The following NF1 variants were observed in gnomAD, a reference collection of about 807,000 sequenced individuals.
The protein encoded by NF1 is neurofibromin.
Under a neutral mutation model 325.7 loss-of-function variants are expected in NF1, and 122 were observed. The observed-to-expected ratio is 0.37, with a 90% CI of 0.32 to 0.44. NF1 has a LOEUF of 0.44. Among genes scored for constraint, NF1 ranks in the 20% least tolerant of loss-of-function variants. The pLI, the probability that NF1 is intolerant of heterozygous loss-of-function variation, is 1.00. For missense variants in NF1, 2,140 were observed against 3,415.4 expected, an observed-to-expected ratio of 0.63 and a Z score of 9.31; for synonymous variants, 1,091 against 1,186.0, an observed-to-expected ratio of 0.92 and a Z score of 1.65.
intron 1 of NF1, among the ~76,000 whole-genome samples, chr17:31,152,430 C>T (rs1333018727): frequency 6.7e-6 from 1 of 149,060 alleles, no homozygotes; most frequent in African/African-American, 2.5e-5. Flanking sequence ...TTGGTGACTC[C>T]TGTTATATGT....
intron 1 of NF1, among the ~76,000 whole-genome samples, chr17:31,128,857 C>T (rs746234368): frequency 6.6e-6 from 1 of 151,254 alleles, no homozygotes; most frequent in Admixed American, 6.6e-5. Context: ...ACCCGGGAGG[C>T]GGAGCTTGCA....
At chr17:31,305,168 G>C (rs1391742279) in intron 36 of NF1, 1 of 1,614,036 alleles carries the variant, frequency 6.2e-7, no homozygotes, top group African/African-American at 1.3e-5. Flanking sequence ...GATGATTGTT[G>C]AGTAAAAGTA....
rs1064795966 is a variant in NF1, at chr17:31,338,008, G to A, written c.6705-17G>A. 6.3e-7 allele frequency: 1 copy of A among 1,595,962 alleles called. No homozygotes were observed. ...ACACAAAGGTTTTTATAAGTTCTGT[G>A]GATCTTTTAATTGCAGATTTGCATT... On this transcript the variant is annotated splice_polypyrimidine_tract_variant and intron_variant, in intron 44 of 57. Coordinates refer to ENST00000358273, the MANE Select transcript of NF1 (RefSeq NM_001042492.3).
intron 1 of NF1, among the ~76,000 whole-genome samples, chr17:31,105,297 G>A (rs1262736237): frequency 3.3e-5 from 5 of 152,104 alleles, no homozygotes; most frequent in Non-Finnish European, 7.3e-5. Flanking sequence ...ATGAAGAATT[G>A]GCATTATGTT....
chr17:31,343,401 C>G (rs888909979), intron 48 of NF1, among the ~76,000 whole-genome samples: 1 of 151,870 alleles, frequency 6.6e-6, no homozygotes, highest in Middle Eastern at 3.4e-3. Flanking sequence ...AAAAATTAGC[C>G]AGGCATGGTG....
chr17:31,218,136 A>G (rs1159771250), intron 13 of NF1, among the ~76,000 whole-genome samples: 1 of 152,182 alleles, frequency 6.6e-6, no homozygotes, highest in Non-Finnish European at 1.5e-5. Flanking sequence ...TGTACAGGAT[A>G]ATCATGCAAT....
chr17:31,309,062 C>T (rs1175256441), intron 36 of NF1, among the ~76,000 whole-genome samples: 1 of 152,088 alleles, frequency 6.6e-6, no homozygotes, highest in Non-Finnish European at 1.5e-5. Flanking sequence ...TAAAGGGATC[C>T]CTTATTTACA....
chr17:31,261,466 A>G (rs1334521787), intron 34 of NF1, among the ~76,000 whole-genome samples: 1 of 152,174 alleles, frequency 6.6e-6, no homozygotes, highest in Non-Finnish European at 1.5e-5. Context: ...TAGCACATTC[A>G]CGGGAAAAGT....
At chr17:31,371,617 A>G (rs1255616384) in intron 57 of NF1, among the ~76,000 whole-genome samples, 1 of 152,246 alleles carries the variant, frequency 6.6e-6, no homozygotes, top group Non-Finnish European at 1.5e-5. Context: ...GTTTCTAGTC[A>G]TCTTTCTATG....
At chr17:31,322,092 T>TACAC (rs1491535600) in intron 36 of NF1, among the ~76,000 whole-genome samples, 130 of 48,554 alleles carry the variant, frequency 2.7e-3, no homozygotes, top group South Asian at 0.012. Context: ...GTAGTGTGTG[T>TACAC]ATACACACAC....
chr17:31,103,388 G>A (rs527614606), intron 1 of NF1, among the ~76,000 whole-genome samples: 2 of 152,142 alleles, frequency 1.3e-5, no homozygotes, highest in Admixed American at 1.3e-4. Context: ...GATTACAGGC[G>A]TGTGCCACCA....
In NF1 at chr17:31,334,945, A is replaced by T. The variant is rs1597840159; in HGVS notation, c.5920A>T (p.Ile1974Phe). 6.2e-7 allele frequency: 1 copy of T among 1,613,792 alleles called. No individual in the cohort carries two copies. The highest frequency in any genetic ancestry group is 8.5e-7 in the Non-Finnish European group (1 of 1,179,946). ...DDAKRQRVTAILDKLITMTIN... is the reference protein window; with the variant it reads ...DDAKRQRVTAFLDKLITMTIN... ...TGCCAAACGACAAAGAGTTACTGCT[A>T]TTCTTGACAAGCTGATAACAATGAC... Residue 1974 changes from isoleucine (I) to phenylalanine (F), a missense_variant, in exon 40 of 58, where the codon ATT (isoleucine) becomes TTT (phenylalanine). Around this residue, in one of 10 missense-constraint regions of NF1, gnomAD observed 180 missense variants for 435.1 expected, o/e 0.41. Coordinates refer to ENST00000358273, the MANE Select transcript of NF1 (RefSeq NM_001042492.3).
Position 31,223,587 on chromosome 17 carries a change from T to G in NF1, c.1845+20T>G. On this transcript the variant is annotated intron_variant, in intron 16 of 57. Transcript: ENST00000358273. The stretch of plus-strand genomic sequence containing the variant: ...AATAAGGTAAGCAAAATGACATATT[T>G]AAAAAATGGAAGAATATTTGGAATG... 1 of 1,604,604 alleles carries G rather than the reference T, an allele frequency of 6.2e-7. No individual in the cohort carries two copies. The highest frequency in any genetic ancestry group is 8.5e-7 in the Non-Finnish European group (1 of 1,172,392).
chr17:31,257,814 G>T (rs1183176071), intron 31 of NF1: 1 of 151,772 alleles, frequency 6.6e-6, no homozygotes, highest in Non-Finnish European at 1.5e-5. Context: ...TTCTCAGTAA[G>T]AATCTAATAT....
Position 31,334,964 on chromosome 17 carries a change from C to T in NF1, c.5939C>T (p.Thr1980Ile), listed in dbSNP as rs1060500336. ...ACTGCTATTCTTGACAAGCTGATAACAATGACCATCAATGAAAAACAGATG... is the reference window on the plus strand; with the variant it reads ...ACTGCTATTCTTGACAAGCTGATAATAATGACCATCAATGAAAAACAGATG... ...RVTAILDKLI[T>I]MTINEKQMYP... is the part of the protein sequence containing the mutation. The change falls in exon 40 of 58, where the codon ACA (threonine) becomes ATA (isoleucine). Residue 1980 changes from threonine (T) to isoleucine (I), a missense_variant. Thr to Ile is a moderately conservative substitution (Grantham distance 89). This residue lies in a region of NF1 where 180 missense variants were observed against 435.1 expected (regional missense o/e 0.41). Coordinates refer to ENST00000358273, the MANE Select transcript of NF1 (RefSeq NM_001042492.3). The T allele has an allele frequency of 2.5e-6, 4 of 1,613,226 alleles. No homozygotes were observed. Among genetic ancestry groups the T allele is most frequent in the South Asian group, 1.1e-5 (1 of 91,052 alleles).
intron 1 of NF1, among the ~76,000 whole-genome samples, chr17:31,113,592 C>G (rs190699369): frequency 4.6e-5 from 7 of 152,230 alleles, no homozygotes; most frequent in African/African-American, 1.7e-4. Flanking sequence ...TGCAGTGGTG[C>G]AATCATGGCT....
At chr17:31,228,122 T>G (rs956249115) in intron 20 of NF1, among the ~76,000 whole-genome samples, 1 of 152,250 alleles carries the variant, frequency 6.6e-6, no homozygotes, top group African/African-American at 2.4e-5. Flanking sequence ...AGGAATGTCT[T>G]AGGCAGTAGA....
chr17:31,338,668 A>G lies in NF1; in HGVS notation c.6820-36A>G, dbSNP rs1272324045. 5.3e-6 allele frequency: 7 copies of G among 1,329,732 alleles called. No homozygotes were observed. The South Asian group carries it at 5.9e-5, about 11-fold the overall frequency. The allele number at this position is 1,329,732 out of a possible 1,614,324, so 82.4% of individuals were successfully genotyped here. A position where few individuals can be genotyped will look rare whatever the true frequency, so the allele number is the denominator to read the frequency against. On this transcript the variant is annotated intron_variant, in intron 45 of 57. Coordinates refer to ENST00000358273, the MANE Select transcript of NF1 (RefSeq NM_001042492.3). ...GTTTAGGAGTTAATGTTTTATTTCA[A>G]TGAAAGTAAAATAAAAAATTCTGTT...
chr17:31,300,033 A>G (rs2068542885), intron 36 of NF1, among the ~76,000 whole-genome samples: 1 of 152,118 alleles, frequency 6.6e-6, no homozygotes, highest in African/African-American at 2.4e-5. Context: ...ATTATAGACT[A>G]CCGAATAAAG....
Sources: allele counts gnomAD v4.1 joint callset (sites outside exome capture counted in the v4.1 genomes callset), GRCh38; gene constraint gnomAD v4.1.1; regional missense constraint gnomAD v4.1.1; transcripts MANE v1.5; gene names NCBI Gene and HGNC (gene_info 2026-07-23, HGNC 2026-07-21).